SAMMSON: variants seen among roughly 807,000 people sequenced by gnomAD.
The protein encoded by SAMMSON is long intergenic non-protein coding RNA 1212.
chr3:70,099,490 C>T (rs983431558), intron 4 of SAMMSON, among the ~76,000 whole-genome samples: 2 of 152,092 alleles, frequency 1.3e-5, no homozygotes, highest in Non-Finnish European at 2.9e-5. Flanking sequence ...TTTCTATGGT[C>T]ATTTAGGGTT....
rs74503205 is a variant in SAMMSON at position 70,228,741 on chromosome 3, C to CT, written n.508-20353dup. 4.9e-3 allele frequency among the ~76,000 whole-genome samples: 650 copies of CT among 133,480 alleles called. 5 individuals carry two copies. Among genetic ancestry groups the CT allele is most frequent in the South Asian group, 0.043 (180 of 4,224 alleles). The allele number at this position is 133,480 out of a possible 152,430, so 87.6% of individuals were successfully genotyped here. ...TCTTCTCATTAATTTTTTCATGAAT[C>CT]TTTTTTTTTTTTTACTAACAACAGT... On this transcript the variant is annotated intron_variant and non_coding_transcript_variant, in intron 4 of 9. Transcript: ENST00000642114.
chr3:70,213,671 T>C lies in SAMMSON; in HGVS notation n.508-35436T>C, dbSNP rs75213903. 8.5e-3 allele frequency among the ~76,000 whole-genome samples: 1,294 copies of C among 152,272 alleles called. 21 individuals are homozygous for C. Among genetic ancestry groups the C allele is most frequent in the African/African-American group, 0.029 (1,223 of 41,578 alleles). ...AGTTTTTTTCCTTTGTATGAAAATT[T>C]TGTGAAGTTCATTCAAATGTTAGAG... is the stretch of plus-strand genomic sequence containing the variant. On this transcript the variant is annotated intron_variant and non_coding_transcript_variant, in intron 4 of 9. Coordinates refer to ENST00000642114, the Ensembl canonical transcript of SAMMSON.
At chr3:70,244,955 T>C (rs559465422) in intron 4 of SAMMSON, among the ~76,000 whole-genome samples, 2 of 152,260 alleles carry the variant, frequency 1.3e-5, no homozygotes, top group East Asian at 3.9e-4. Context: ...AAATTATATA[T>C]ATAAAAATCA....
intron 4 of SAMMSON, among the ~76,000 whole-genome samples, chr3:70,104,365 T>C (rs1215118264): frequency 1.3e-5 from 2 of 151,996 alleles, no homozygotes; most frequent in East Asian, 3.9e-4. Context: ...TTCCTACCTC[T>C]AGGAGTATTT....
At chr3:70,280,094 C>A (rs1045694143) in intron 6 of SAMMSON, among the ~76,000 whole-genome samples, 2 of 152,288 alleles carry the variant, frequency 1.3e-5, no homozygotes, top group Middle Eastern at 3.4e-3. Flanking sequence ...GAGCCTCTGG[C>A]AGATAATCTA....
At chr3:70,003,013 T>C (rs531356193) in intron 1 of SAMMSON, among the ~76,000 whole-genome samples, 2 of 152,264 alleles carry the variant, frequency 1.3e-5, no homozygotes, top group African/African-American at 4.8e-5. Flanking sequence ...TAATTTTTGA[T>C]TCATGTATTT....
chr3:70,096,522 C>T (rs1390583322), intron 4 of SAMMSON, among the ~76,000 whole-genome samples: 2 of 152,060 alleles, frequency 1.3e-5, no homozygotes, highest in East Asian at 3.9e-4. Context: ...CCAGCCTAGG[C>T]CACAGAGTGA....
At chr3:70,343,708 G>A (rs539846394) in intron 7 of SAMMSON, among the ~76,000 whole-genome samples, 6 of 151,944 alleles carry the variant, frequency 3.9e-5, no homozygotes, top group Non-Finnish European at 8.8e-5. Flanking sequence ...CTCCGCAGAA[G>A]CAAGTCACTA....
chr3:70,257,532 A>G (rs1328934965), intron 6 of SAMMSON, among the ~76,000 whole-genome samples: 1 of 152,130 alleles, frequency 6.6e-6, no homozygotes, highest in Non-Finnish European at 1.5e-5. Flanking sequence ...GAGAACTGGA[A>G]AATCAATTAG....
At chr3:70,396,176 A>G (rs1195892002) in intron 2 of SAMMSON, among the ~76,000 whole-genome samples, 1 of 152,156 alleles carries the variant, frequency 6.6e-6, no homozygotes, top group Non-Finnish European at 1.5e-5. Flanking sequence ...TTCTCCATAT[A>G]TGAAAGAAAA....
chr3:70,139,091 G>A (rs777962722), intron 4 of SAMMSON, among the ~76,000 whole-genome samples: 1 of 152,186 alleles, frequency 6.6e-6, no homozygotes, highest in Non-Finnish European at 1.5e-5. Context: ...CTTGAAATGT[G>A]CTATTCCAGA....
intron 4 of SAMMSON, among the ~76,000 whole-genome samples, chr3:70,103,296 T>G (rs1375469411): frequency 6.6e-6 from 1 of 152,084 alleles, no homozygotes; most frequent in Admixed American, 6.6e-5. Context: ...CAGATTGCAA[T>G]CAGTATTTCC....
At chr3:70,354,062 G>C (rs987848623) in intron 7 of SAMMSON, 1 of 152,246 alleles carries the variant, frequency 6.6e-6, no homozygotes. Context: ...GGGAGTCAGG[G>C]GTAAGGAAGT....
chr3:70,351,398 C>A (rs1314485087), intron 7 of SAMMSON, among the ~76,000 whole-genome samples: 3 of 151,898 alleles, frequency 2.0e-5, no homozygotes, highest in Admixed American at 2.0e-4. Context: ...GTATTTGGGG[C>A]AGAGAAGAAA....
At chr3:70,075,302 A>G (rs989425008) in intron 4 of SAMMSON, 1 of 152,100 alleles carries the variant, frequency 6.6e-6, no homozygotes, top group African/African-American at 2.4e-5. Flanking sequence ...TAAAATAGCA[A>G]TGTTTTCCCA....
At chr3:70,022,511 G>A (rs13064441) in intron 3 of SAMMSON, among the ~76,000 whole-genome samples, 8,794 of 150,222 alleles carry the variant, frequency 0.059, 361 homozygotes, top group South Asian at 0.14. Context: ...ATGAGTCCTC[G>A]TGTTTTTTTG....
chr3:70,428,204 C>T (rs978514058), intron 2 of SAMMSON, among the ~76,000 whole-genome samples: 5 of 152,008 alleles, frequency 3.3e-5, no homozygotes, highest in African/African-American at 1.2e-4. Context: ...GGATGCAATC[C>T]ATTTATAATG....
At chr3:70,377,169 C>T (rs1305722400) in intron 9 of SAMMSON, among the ~76,000 whole-genome samples, 1 of 151,956 alleles carries the variant, frequency 6.6e-6, no homozygotes, top group East Asian at 1.9e-4. Flanking sequence ...TCTGAATGTC[C>T]ATGTGGAAGA....
intron 4 of SAMMSON, chr3:70,126,362 G>T: frequency 9.0e-7 from 1 of 1,110,816 alleles, no homozygotes; most frequent in Non-Finnish European, 1.3e-6. Context: ...TCAGCTGATG[G>T]AGTCTTGTCA....
Sources: gnomAD v4.1 joint callset for allele counts (sites outside exome capture counted in the v4.1 genomes callset) on GRCh38, gnomAD v4.1.1 for gene constraint, MANE v1.5 for transcripts, NCBI Gene and HGNC (gene_info 2026-07-23, HGNC 2026-07-21) for gene names.